The following NLGN4Y variants were observed in gnomAD, a reference collection of about 807,000 sequenced individuals.
NLGN4Y encodes the protein neuroligin 4 Y-linked.
NLGN4Y carries 4 observed loss-of-function variants against 8.4 expected under a neutral mutation model. That is an observed-to-expected ratio of 0.48 (90% CI 0.23 to 1.09). The LOEUF (loss-of-function observed/expected upper bound fraction) is 1.09, where lower values mean the gene tolerates loss of function less well. NLGN4Y is among the 50% of genes least tolerant of loss of function. The probability of loss-of-function intolerance (pLI) is 0.19; values close to 1 mark genes in which losing one functional copy is unlikely to be tolerated. For missense variants in NLGN4Y, 90 were observed against 192.3 expected (o/e 0.47, Z 3.15); for synonymous variants, 35 against 75.6 (o/e 0.46, Z 2.78).
intron 4 of NLGN4Y, among the ~76,000 whole-genome samples, chrY:14,727,333 T>G: frequency 3.1e-5 from 1 of 32,435 alleles, no homozygotes; most frequent in African/African-American, 1.2e-4. Context: ...GAAGCACCCT[T>G]AATCCCACCC....
At chrY:14,684,643 G>C in intron 2 of NLGN4Y, among the ~76,000 whole-genome samples, 1 of 32,795 alleles carries the variant, frequency 3.0e-5, no homozygotes, top group South Asian at 7.1e-4. Flanking sequence ...GTGCTCATGA[G>C]GCATCCACCT....
At chrY:14,702,366 T>A (rs2080853738) in intron 2 of NLGN4Y, among the ~76,000 whole-genome samples, 1 of 31,343 alleles carries the variant, frequency 3.2e-5, no homozygotes, top group African/African-American at 1.2e-4. Context: ...CCTGTGTCCA[T>A]GTGTTCTCAT....
intron 1 of NLGN4Y, among the ~76,000 whole-genome samples, chrY:14,601,258 C>T: frequency 3.3e-5 from 1 of 30,678 alleles, no homozygotes; most frequent in Non-Finnish European, 7.8e-5. Flanking sequence ...CACACCACCT[C>T]GCCCACCTAA....
At chrY:14,670,888 A>G in intron 2 of NLGN4Y, among the ~76,000 whole-genome samples, 1 of 33,388 alleles carries the variant, frequency 3.0e-5, no homozygotes, top group Non-Finnish European at 7.4e-5. Flanking sequence ...GTGTAGGTGT[A>G]TGCTTTTGTG....
At chrY:14,565,446 TAAAG>T (rs2080248315) in intron 1 of NLGN4Y, among the ~76,000 whole-genome samples, 1 of 30,725 alleles carries the variant, frequency 3.3e-5, no homozygotes, top group Admixed American at 3.1e-4. Context: ...CTTAATGAAA[TAAAG>T]AGAGAAGACA....
intron 1 of NLGN4Y, among the ~76,000 whole-genome samples, chrY:14,557,319 C>T (rs2080213280): frequency 6.0e-5 from 2 of 33,277 alleles, no homozygotes; most frequent in Admixed American, 2.8e-4. Flanking sequence ...GACCAATTTA[C>T]AGGTGAAATG....
intron 2 of NLGN4Y, among the ~76,000 whole-genome samples, chrY:14,672,457 G>T: frequency 3.6e-5 from 1 of 27,905 alleles, no homozygotes; most frequent in Non-Finnish European, 8.5e-5. Context: ...CCCAGGAGGG[G>T]GAGCTTGAAG....
At chrY:14,534,108 C>G in intron 1 of NLGN4Y, among the ~76,000 whole-genome samples, 1 of 33,049 alleles carries the variant, frequency 3.0e-5, no homozygotes, top group Admixed American at 2.8e-4. Flanking sequence ...TAGGTATATA[C>G]GCAGTAATGG....
At chrY:14,560,741 T>G in intron 1 of NLGN4Y, among the ~76,000 whole-genome samples, 1 of 33,585 alleles carries the variant, frequency 3.0e-5, no homozygotes, top group Non-Finnish European at 7.4e-5. Flanking sequence ...GAAAATTACA[T>G]CTATTGTCCT....
intron 1 of NLGN4Y, among the ~76,000 whole-genome samples, chrY:14,558,018 C>T (rs2080215118): frequency 3.0e-5 from 1 of 33,187 alleles, no homozygotes; most frequent in East Asian, 8.0e-4. Flanking sequence ...AATTTAGAGT[C>T]AGGAATTTTT....
At chrY:14,808,763 A>G (rs2043066138) in intron 4 of NLGN4Y, among the ~76,000 whole-genome samples, 1 of 34,148 alleles carries the variant, frequency 2.9e-5, no homozygotes, top group Non-Finnish European at 7.3e-5. Context: ...CAGCTTTTTT[A>G]TATGGCCATA....
At position 14,584,712 on chromosome Y, in the gene NLGN4Y, G is replaced by A. The variant is rs757227540; in HGVS notation, c.-111-37297G>A. ...GCCTCTGGCAGTTTGGTGGAAAATTGGTACGTTTTGTAAAAATGATATGTT... is the reference window on the plus strand; with the variant it reads ...GCCTCTGGCAGTTTGGTGGAAAATTAGTACGTTTTGTAAAAATGATATGTT... On this transcript the variant is annotated intron_variant, in intron 1 of 6. Transcript: ENST00000684976. 9.1e-5 allele frequency among the ~76,000 whole-genome samples: 3 copies of A among 33,059 alleles called. No individual in the cohort carries two copies. In the East Asian group the frequency reaches 2.4e-3, roughly 26 times the overall value. 88.7% of individuals were successfully genotyped at this position (33,059 alleles called of 37,273 possible). A position where few individuals can be genotyped will look rare whatever the true frequency, so the allele number is the denominator to read the frequency against.
Position 14,622,508 on chromosome Y carries a change from C to T in NLGN4Y, c.389C>T (p.Thr130Ile). 2.5e-6 allele frequency: 1 copy of T among 399,083 alleles called. No homozygotes were observed. The highest frequency in any genetic ancestry group is 3.5e-6 in the Non-Finnish European group (1 of 283,572). The change falls in exon 2 of 7, where the codon ACC becomes ATC. Residue 130 changes from threonine to isoleucine, a missense_variant. This residue lies in a region of NLGN4Y where 37 missense variants were observed against 38.5 expected (regional missense o/e 0.96). Coordinates refer to ENST00000684976, the MANE Select transcript of NLGN4Y (RefSeq NM_001365588.1). Reference protein sequence around the residue: ...LHDMLPIWFTTSLDTLMTYVQ... With the variant: ...LHDMLPIWFTISLDTLMTYVQ... ...GACATGCTGCCCATCTGGTTTACCA[C>T]CAGTTTGGATACTTTGATGACCTAT...
At chrY:14,573,956 G>A in intron 1 of NLGN4Y, among the ~76,000 whole-genome samples, 1 of 33,835 alleles carries the variant, frequency 3.0e-5, no homozygotes, top group African/African-American at 1.2e-4. Flanking sequence ...ACTGTGGTCT[G>A]AGAGACAGTT....
intron 1 of NLGN4Y, among the ~76,000 whole-genome samples, chrY:14,576,497 CTTTGA>C (rs2080299725): frequency 3.0e-5 from 1 of 33,210 alleles, no homozygotes; most frequent in African/African-American, 1.2e-4. Flanking sequence ...TCATCCCTTT[CTTTGA>C]CTAGGAAAGG....
intron 1 of NLGN4Y, among the ~76,000 whole-genome samples, chrY:14,606,316 A>T: frequency 3.0e-5 from 1 of 33,403 alleles, no homozygotes; most frequent in Non-Finnish European, 7.4e-5. Flanking sequence ...CAGACATCTC[A>T]GTGGGCCCAG....
chrY:14,806,030 T>C (rs2043055536), intron 4 of NLGN4Y, among the ~76,000 whole-genome samples: 1 of 33,417 alleles, frequency 3.0e-5, no homozygotes, highest in South Asian at 6.9e-4. Context: ...TAGTGCCAGC[T>C]ACTCAGGAGA....
At chrY:14,630,430 C>G in intron 2 of NLGN4Y, among the ~76,000 whole-genome samples, 1 of 33,188 alleles carries the variant, frequency 3.0e-5, no homozygotes, top group African/African-American at 1.2e-4. Flanking sequence ...AATTCTATCC[C>G]CATGGAAGAA....
chrY:14,599,115 G>GAT (rs2080417912), intron 1 of NLGN4Y, among the ~76,000 whole-genome samples: 1 of 27,151 alleles, frequency 3.7e-5, no homozygotes, highest in Admixed American at 3.7e-4. Flanking sequence ...CACACACACA[G>GAT]ATATATATCC....
Sources: gnomAD v4.1 joint callset for allele counts (sites outside exome capture counted in the v4.1 genomes callset) on GRCh38, gnomAD v4.1.1 for gene constraint, gnomAD v4.1.1 regional missense constraint, MANE v1.5 for transcripts, NCBI Gene and HGNC (gene_info 2026-07-23, HGNC 2026-07-21) for gene names.